Variants in CELF2 observed in about 807,000 individuals in gnomAD.
CELF2 encodes the protein CUG triplet repeat RNA-binding protein 2.
In CELF2, 8 loss-of-function variants were observed where a neutral mutation model predicts 62.6. That is an observed-to-expected ratio of 0.13 (90% CI 0.07 to 0.23). The LOEUF is 0.23. Ranked by LOEUF, CELF2 falls within the 10% of genes least tolerant of loss-of-function variation. The pLI is 1.00. For synonymous variants in CELF2, 258 were observed against 250.0 expected (o/e 1.03, Z -0.30); for missense variants, 333 against 671.0 (o/e 0.50, Z 5.56).
intron 1 of CELF2, among the ~76,000 whole-genome samples, chr10:10,849,071 CA>C (rs1346541276): frequency 6.6e-6 from 1 of 152,064 alleles, no homozygotes; most frequent in African/African-American, 2.4e-5. Flanking sequence ...CTTTATCTTT[CA>C]TTTTTTTAAT....
chr10:10,476,935 A>T, the CELF2 span, among the ~76,000 whole-genome samples: 1 of 152,138 alleles, frequency 6.6e-6, no homozygotes, highest in Non-Finnish European at 1.5e-5. Context: ...TTAAAAAGTG[A>T]TCCTTTGGTA....
intron 1 of CELF2, among the ~76,000 whole-genome samples, chr10:11,050,920 C>T (rs1212048677): frequency 5.3e-5 from 8 of 152,236 alleles, no homozygotes; most frequent in Admixed American, 5.2e-4. Context: ...TGCCTCCCTG[C>T]TTTCCTCCTG....
chr10:10,507,950 TACC>T, the CELF2 span, among the ~76,000 whole-genome samples: 2 of 152,310 alleles, frequency 1.3e-5, no homozygotes, highest in Admixed American at 1.3e-4. Flanking sequence ...CCTGAATCAA[TACC>T]AAACAAATGA....
chr10:10,591,132 G>C, the CELF2 span, among the ~76,000 whole-genome samples: 2 of 152,058 alleles, frequency 1.3e-5, no homozygotes, highest in African/African-American at 4.8e-5. Context: ...CGTCATCTAT[G>C]TTAAGACATA....
intron 1 of CELF2, among the ~76,000 whole-genome samples, chr10:10,808,714 G>C (rs1438226143): frequency 6.6e-6 from 1 of 152,120 alleles, no homozygotes; most frequent in Non-Finnish European, 1.5e-5. Flanking sequence ...TAACTAATCA[G>C]AGACACGGTA....
At chr10:10,602,371 C>T in the CELF2 span, among the ~76,000 whole-genome samples, 13 of 152,074 alleles carry the variant, frequency 8.5e-5, no homozygotes, top group Admixed American at 2.0e-4. Context: ...CCTGACATAC[C>T]GGGGTTCACT....
At chr10:10,503,991 G>A in the CELF2 span, among the ~76,000 whole-genome samples, 1 of 151,990 alleles carries the variant, frequency 6.6e-6, no homozygotes, top group Non-Finnish European at 1.5e-5. Context: ...TTTAAGTGAA[G>A]TATAGAAACC....
At chr10:11,274,456 G>T (rs1422179441) in intron 7 of CELF2, among the ~76,000 whole-genome samples, 1 of 152,234 alleles carries the variant, frequency 6.6e-6, no homozygotes, top group Non-Finnish European at 1.5e-5. Flanking sequence ...TGACTTCGAT[G>T]TACATAGCAC....
chr10:10,692,939 A>T, the CELF2 span, among the ~76,000 whole-genome samples: 1 of 142,998 alleles, frequency 7.0e-6, no homozygotes, highest in African/African-American at 2.6e-5. Flanking sequence ...TAGATATACA[A>T]TCAGGTCGTC....
chr10:10,642,018 G>A, the CELF2 span, among the ~76,000 whole-genome samples: 1 of 152,102 alleles, frequency 6.6e-6, no homozygotes, highest in African/African-American at 2.4e-5. Flanking sequence ...CTTATTCTGA[G>A]TGCCTAGTGA....
the CELF2 span, among the ~76,000 whole-genome samples, chr10:10,793,298 T>TA: frequency 1.3e-5 from 2 of 152,274 alleles, no homozygotes; most frequent in African/African-American, 4.8e-5. Flanking sequence ...TTCATTTATC[T>TA]AAAAAAGAGA....
At chr10:10,727,089 T>G in the CELF2 span, among the ~76,000 whole-genome samples, 1 of 152,072 alleles carries the variant, frequency 6.6e-6, no homozygotes, top group Non-Finnish European at 1.5e-5. Flanking sequence ...CCGTTAGAAA[T>G]CACCCATCAC....
the CELF2 span, among the ~76,000 whole-genome samples, chr10:10,583,996 C>T: frequency 1.3e-5 from 2 of 152,078 alleles, no homozygotes; most frequent in African/African-American, 4.8e-5. Context: ...TCAAAGATGC[C>T]TTCCAACCCC....
Position 11,328,383 on chromosome 10 carries a change from T to A in CELF2, c.1439-543T>A, listed in dbSNP as rs1411566815. On this transcript the variant is annotated intron_variant, in intron 12 of 12. Transcript: ENST00000633077. This position sits in a 1 kb window ranked among gnomAD's most constrained non-coding sequence, Gnocchi z 6.4. ...GACCCATCCTCCAGCTAAACAGGTG[T>A]AGGCTCTGTGTGACAGACGATGGAG... 6.6e-6 allele frequency among the ~76,000 whole-genome samples: 1 copy of A among 152,204 alleles called. No individual in the cohort carries two copies. The highest frequency in any genetic ancestry group is 2.4e-5 in the African/African-American group (1 of 41,458).
chr10:10,871,823 A>G (rs1444303249), intron 1 of CELF2, among the ~76,000 whole-genome samples: 1 of 152,174 alleles, frequency 6.6e-6, no homozygotes, highest in Non-Finnish European at 1.5e-5. Flanking sequence ...AAAAGAGGCA[A>G]ACATTGCCAG....
chr10:11,274,548 T>C (rs1242810882), intron 7 of CELF2, among the ~76,000 whole-genome samples: 1 of 152,260 alleles, frequency 6.6e-6, no homozygotes, highest in Non-Finnish European at 1.5e-5. Context: ...TGCTTGGTCA[T>C]GTAGTGGTGG....
At chr10:11,205,215 C>G (rs547598811) in intron 2 of CELF2, among the ~76,000 whole-genome samples, 2 of 152,180 alleles carry the variant, frequency 1.3e-5, no homozygotes, top group Non-Finnish European at 2.9e-5. Context: ...TTAAAGGGCT[C>G]GTGGTCATCA....
intron 1 of CELF2, among the ~76,000 whole-genome samples, chr10:10,850,465 C>T (rs558822654): frequency 2.6e-5 from 4 of 152,280 alleles, no homozygotes; most frequent in East Asian, 3.9e-4. Context: ...TTCAGAGCTA[C>T]GCTGATTGGA....
chr10:11,312,168 C>A (rs1302108746), intron 9 of CELF2, among the ~76,000 whole-genome samples: 1 of 152,106 alleles, frequency 6.6e-6, no homozygotes, highest in East Asian at 1.9e-4. Context: ...GTCTCGAATA[C>A]CCAGGAAAGA....
Sources: gnomAD v4.1 joint callset for allele counts (sites outside exome capture counted in the v4.1 genomes callset) on GRCh38, gnomAD v4.1.1 for gene constraint, Gnocchi (gnomAD v3.1) non-coding constraint, MANE v1.5 for transcripts, NCBI Gene and HGNC (gene_info 2026-07-23, HGNC 2026-07-21) for gene names.